The following STK32B variants were observed in gnomAD, a reference collection of about 807,000 sequenced individuals.
The protein encoded by STK32B is serine/threonine kinase 32B.
In STK32B, 43 loss-of-function variants were observed where a neutral mutation model predicts 52.6. The ratio of observed to expected loss-of-function variants is 0.82; its 90% confidence interval spans 0.64 to 1.05. The LOEUF (loss-of-function observed/expected upper bound fraction) is 1.05, where lower values mean the gene tolerates loss of function less well. Among genes scored for constraint, STK32B ranks in the 50% least tolerant of loss-of-function variants. STK32B has a pLI of 0.00. For missense variants in STK32B, 621 were observed against 534.6 expected (o/e 1.16, Z -1.59); for synonymous variants, 238 against 204.3 (o/e 1.17, Z -1.41).
chr4:5,139,811 G>A (rs1716294328), intron 1 of STK32B, 94 bp from the exon 2 acceptor site: 1 of 1,438,430 alleles, frequency 7.0e-7, no homozygotes, highest in African/African-American at 1.4e-5. Flanking sequence ...AAGAGCCTTT[G>A]GAATAGGTGG....
At position 5,435,581 on chromosome 4, in the gene STK32B, G is replaced by A. The variant is rs998230384; in HGVS notation, c.563-11092G>A. 10 of 152,232 alleles carry A rather than the reference G, an allele frequency of 6.6e-5. 1 individual carries two copies. The highest frequency in any genetic ancestry group is 1.2e-4 in the Non-Finnish European group (8 of 68,040). 9.4% of individuals were successfully genotyped at this position (152,232 alleles called of 1,614,324 possible). A position where few individuals can be genotyped will look rare whatever the true frequency, so the allele number is the denominator to read the frequency against. ...GATTAACTGTTTTAATTAGCAGGATGTAAAGAGCTTAGACAGTGCTTGGCA... is the reference window on the plus strand; with the variant it reads ...GATTAACTGTTTTAATTAGCAGGATATAAAGAGCTTAGACAGTGCTTGGCA... On this transcript the variant is annotated intron_variant, in intron 6 of 11. Coordinates refer to ENST00000282908, the MANE Select transcript of STK32B (RefSeq NM_018401.3).
chr4:5,449,224 T>A (rs1715755483), intron 7 of STK32B, among the ~76,000 whole-genome samples: 2 of 152,098 alleles, frequency 1.3e-5, no homozygotes, highest in African/African-American at 4.8e-5. Context: ...GTGCCTGTAA[T>A]CGCAGCTAGT....
intron 4 of STK32B, among the ~76,000 whole-genome samples, chr4:5,363,913 A>G (rs1232109908): frequency 6.6e-6 from 1 of 152,104 alleles, no homozygotes; most frequent in African/African-American, 2.4e-5. Context: ...TTCAGATGAA[A>G]TCAGCAGTTT....
Position 5,426,692 on chromosome 4 carries a change from C to CAAA in STK32B, c.562+9778_562+9780dup, listed in dbSNP as rs746246839. On this transcript the variant is annotated intron_variant, in intron 6 of 11. Coordinates refer to ENST00000282908, the MANE Select transcript of STK32B (RefSeq NM_018401.3). ...GCAACAGGGCGAGACTCCATCTAAA[C>CAAA]AAAAAAAAAAAAAAAAAAAAAAGGA... Among the ~76,000 whole-genome samples the CAAA allele has an allele frequency of 5.8e-3, 452 of 78,016 alleles. 23 individuals carry two copies. The highest frequency in any genetic ancestry group is 0.018 in the African/African-American group (391 of 21,162). The allele number at this position is 78,016 out of a possible 152,430, so 51.2% of individuals were successfully genotyped here. A position where few individuals can be genotyped will look rare whatever the true frequency, so the allele number is the denominator to read the frequency against.
intron 1 of STK32B, among the ~76,000 whole-genome samples, chr4:5,065,858 C>T (rs1014216910): frequency 1.3e-5 from 2 of 151,932 alleles, no homozygotes; most frequent in African/African-American, 2.4e-5. Context: ...CAAATAGCTG[C>T]GATTACAGGC....
At chr4:5,156,362 A>C (rs1358727493) in intron 2 of STK32B, among the ~76,000 whole-genome samples, 1 of 152,188 alleles carries the variant, frequency 6.6e-6, no homozygotes, top group East Asian at 1.9e-4. Context: ...CACATGGTTT[A>C]TATTGATTGA....
intron 5 of STK32B, among the ~76,000 whole-genome samples, chr4:5,405,561 T>A (rs896800114): frequency 4.0e-5 from 6 of 151,876 alleles, no homozygotes; most frequent in African/African-American, 1.2e-4. Flanking sequence ...AGAAAAGAGG[T>A]TTAATTGACT....
chr4:5,117,787 GTTTCT>G (rs896570023), intron 1 of STK32B, among the ~76,000 whole-genome samples: 3 of 151,650 alleles, frequency 2.0e-5, no homozygotes, highest in African/African-American at 4.8e-5. Flanking sequence ...TTTCTTTCAT[GTTTCT>G]TTTCTTCTGA....
At chr4:5,066,345 C>T (rs1742424686) in intron 1 of STK32B, among the ~76,000 whole-genome samples, 1 of 152,186 alleles carries the variant, frequency 6.6e-6, no homozygotes, top group Non-Finnish European at 1.5e-5. Context: ...TCAAACATCA[C>T]GTTTCATGTG....
chr4:5,348,574 G>A (rs1180279274), intron 4 of STK32B, among the ~76,000 whole-genome samples: 2 of 152,122 alleles, frequency 1.3e-5, no homozygotes, highest in Non-Finnish European at 2.9e-5. Flanking sequence ...CTGCTGCAGG[G>A]TGCTGTGGGG....
chr4:5,248,874 A>G (rs990193218), intron 3 of STK32B, among the ~76,000 whole-genome samples: 1 of 151,516 alleles, frequency 6.6e-6, no homozygotes, highest in Admixed American at 6.6e-5. Flanking sequence ...GAATTGAACA[A>G]TGAGAACACT....
At chr4:5,442,659 G>C (rs1289391300) in intron 6 of STK32B, among the ~76,000 whole-genome samples, 1 of 151,956 alleles carries the variant, frequency 6.6e-6, no homozygotes, top group Non-Finnish European at 1.5e-5. Context: ...GATGTTAGCT[G>C]GTTATTTTGC....
chr4:5,285,140 GT>G (rs1239585488), intron 3 of STK32B, among the ~76,000 whole-genome samples: 2 of 152,088 alleles, frequency 1.3e-5, no homozygotes, highest in African/African-American at 4.8e-5. Context: ...TAAGATTACA[GT>G]ACATAATACA....
In STK32B at chr4:5,489,085, T is replaced by C. The variant is rs959969780; in HGVS notation, c.1107-9860T>C. On this transcript the variant is annotated intron_variant, in intron 11 of 11. Transcript: ENST00000282908. The stretch of plus-strand genomic sequence containing the variant: ...AATATTTTGAACGAGAACCAGTTTA[T>C]AATTTGAAGTCGTAATTGAAAATGA... 3.3e-5 allele frequency among the ~76,000 whole-genome samples: 5 copies of C among 152,184 alleles called. No homozygotes were observed. The South Asian group carries it at 6.2e-4, about 19-fold the overall frequency.
intron 3 of STK32B, among the ~76,000 whole-genome samples, chr4:5,211,815 C>CT (rs1185122626): frequency 6.6e-6 from 1 of 152,202 alleles, no homozygotes; most frequent in African/African-American, 2.4e-5. Context: ...GCATTTTACA[C>CT]TGTGAATCAC....
At chr4:5,159,237 C>T (rs910282277) in intron 2 of STK32B, among the ~76,000 whole-genome samples, 2 of 151,986 alleles carry the variant, frequency 1.3e-5, no homozygotes, top group Non-Finnish European at 2.9e-5. Context: ...ACTGAGGAAA[C>T]GTATTTTGGA....
At chr4:5,346,469 A>C (rs1733465810) in intron 4 of STK32B, among the ~76,000 whole-genome samples, 1 of 152,206 alleles carries the variant, frequency 6.6e-6, no homozygotes, top group Admixed American at 6.5e-5. Flanking sequence ...CCTCTGACTT[A>C]GTTCCCCAGA....
intron 3 of STK32B, among the ~76,000 whole-genome samples, chr4:5,326,951 T>G (rs1731918277): frequency 1.3e-5 from 2 of 152,182 alleles, no homozygotes; most frequent in Admixed American, 6.6e-5. Context: ...TACAGCCGCT[T>G]TATCAACTAA....
chr4:5,440,906 T>C (rs1714677010), intron 6 of STK32B, among the ~76,000 whole-genome samples: 1 of 151,386 alleles, frequency 6.6e-6, no homozygotes. Context: ...CTGGATTACA[T>C]TTATTGATTT....
Sources: allele counts gnomAD v4.1 joint callset (sites outside exome capture counted in the v4.1 genomes callset), GRCh38; gene constraint gnomAD v4.1.1; transcripts MANE v1.5; gene names NCBI Gene and HGNC (gene_info 2026-07-23, HGNC 2026-07-21).